Variants in ABCB5 observed in about 807,000 individuals in gnomAD.
ABCB5 encodes ATP-binding cassette sub-family B member 5.
ABCB5 carries 155 observed loss-of-function variants against 144.2 expected under a neutral mutation model. That is an observed-to-expected ratio of 1.08 (90% CI 0.94 to 1.23). The LOEUF (loss-of-function observed/expected upper bound fraction) is 1.23, where lower values mean the gene tolerates loss of function less well. Ranked by LOEUF, ABCB5 falls within the 50% of genes most tolerant of loss-of-function variation. ABCB5 has a pLI of 0.00. For synonymous variants in ABCB5, 610 were observed against 528.6 expected, an observed-to-expected ratio of 1.15 and a Z score of -2.11; for missense variants, 1,830 against 1,520.8, an observed-to-expected ratio of 1.20 and a Z score of -3.38.
chr7:20,646,098 T>C lies in ABCB5; in HGVS notation c.941T>C (p.Leu314Pro), dbSNP rs1784401707. 9 of 1,613,748 alleles carry C rather than the reference T, an allele frequency of 5.6e-6. No individual in the cohort carries two copies. The highest frequency in any genetic ancestry group is 7.6e-6 in the Non-Finnish European group (9 of 1,179,752). Residue 314 changes from leucine to proline, a missense_variant, in exon 9 of 28, where the codon CTT becomes CCT. Transcript: ENST00000404938. ...LAFWYGTSLI[L>P]NGEPGYTIGT... ...TTTTGGTATGGAACCTCCTTGATTC[T>C]TAATGGAGAACCTGGATATACCATC...
intron 2 of ABCB5, among the ~76,000 whole-genome samples, chr7:20,624,073 A>G (rs538135114): frequency 6.6e-6 from 1 of 152,292 alleles, no homozygotes; most frequent in East Asian, 1.9e-4. Context: ...TTTTGTTGTT[A>G]TTTTCCCAAA....
At chr7:20,716,335 A>T (rs1251040248) in intron 20 of ABCB5, among the ~76,000 whole-genome samples, 1 of 152,196 alleles carries the variant, frequency 6.6e-6, no homozygotes, top group African/African-American at 2.4e-5. Context: ...AGATAAAATA[A>T]ATTTTATATT....
At chr7:20,647,728 TA>T (rs1784453432) in intron 10 of ABCB5, 80 bp downstream of exon 10, 7 of 1,517,154 alleles carry the variant, frequency 4.6e-6, no homozygotes, top group Non-Finnish European at 4.4e-6. Flanking sequence ...TCATTTTCAC[TA>T]AAACAATAGG....
chr7:20,629,703 A>C (rs1783990635), intron 4 of ABCB5, among the ~76,000 whole-genome samples: 1 of 152,158 alleles, frequency 6.6e-6, no homozygotes, highest in African/African-American at 2.4e-5. Flanking sequence ...CAGAGGTTGC[A>C]TTGAGCCAAG....
chr7:20,721,555 T>C (rs1026538537), intron 20 of ABCB5, among the ~76,000 whole-genome samples: 4 of 152,208 alleles, frequency 2.6e-5, no homozygotes, highest in Non-Finnish European at 4.4e-5. Context: ...TGCCCTACTG[T>C]TTCCTGTCCA....
intron 5 of ABCB5, among the ~76,000 whole-genome samples, chr7:20,634,843 C>A (rs1784118037): frequency 6.6e-6 from 1 of 152,052 alleles, no homozygotes; most frequent in East Asian, 1.9e-4. Flanking sequence ...AATATTTTCT[C>A]CCATTCTGCA....
chr7:20,657,676 A>C (rs1784854497), intron 13 of ABCB5, among the ~76,000 whole-genome samples: 1 of 152,308 alleles, frequency 6.6e-6, no homozygotes, highest in South Asian at 2.1e-4. Flanking sequence ...GAAATGTTCT[A>C]TATCTTTATT....
At position 20,680,998 on chromosome 7, in the gene ABCB5, CTTTCTTTCTTTCTTTCTTTCTTTCTT is replaced by C. The variant is rs1284877665; in HGVS notation, c.1708-505_1708-480del. Among the ~76,000 whole-genome samples, 344 of 111,582 alleles carry C rather than the reference CTTTCTTTCTTTCTTTCTTTCTTTCTT, an allele frequency of 3.1e-3. 17 individuals are homozygous for C. Among genetic ancestry groups the C allele is most frequent in the Middle Eastern group, 4.1e-3 (1 of 246 alleles). The allele number at this position is 111,582 out of a possible 152,430, so 73.2% of individuals were successfully genotyped here. ...TCTTTCTTTCTTTCTTTCTTTCTTTCTTTCTTTCTTTCTTTCTTTCTTTCTTTCTTTCTTTCTCTTTCTTTCTTTCT... is the reference window on the plus strand; with the variant it reads ...TCTTTCTTTCTTTCTTTCTTTCTTTCTCTTTCTTTCTCTTTCTTTCTTTCT... On this transcript the variant is annotated intron_variant, in intron 14 of 27. Coordinates refer to ENST00000404938, the MANE Select transcript of ABCB5 (RefSeq NM_001163941.2).
intron 21 of ABCB5, among the ~76,000 whole-genome samples, chr7:20,726,137 C>A (rs1275206719): frequency 6.6e-6 from 1 of 152,150 alleles, no homozygotes; most frequent in Non-Finnish European, 1.5e-5. Flanking sequence ...ATTATGCATT[C>A]TCTTTATAAA....
chr7:20,661,536 T>C (rs75700072), intron 14 of ABCB5, among the ~76,000 whole-genome samples: 24 of 105,212 alleles, frequency 2.3e-4, no homozygotes, highest in East Asian at 2.2e-4. Flanking sequence ...TTTCTTTTCT[T>C]TTTCTTTTTT....
rs2128017787 is a variant in ABCB5 at position 20,626,867 on chromosome 7, G to GTC, written c.108+257_108+258insCT. On this transcript the variant is annotated intron_variant, in intron 3 of 27. Transcript: ENST00000404938. ...AAGTGTTTTTGGGGTGTGTGTGTGT[G>GTC]TGTGTGTGTGTGTGTGTGTGTGTGT... Among the ~76,000 whole-genome samples, 2 of 151,624 alleles carry GTC rather than the reference G, an allele frequency of 1.3e-5. 1 individual carries two copies. The highest frequency in any genetic ancestry group is 2.9e-5 in the Non-Finnish European group (2 of 67,820).
chr7:20,653,687 G>A lies in ABCB5; in HGVS notation c.1536+2064G>A, dbSNP rs1467712973. ...AAATTTCAGGGCAGCTTGGGCAGCT[G>A]GAAAGGTGATAAGAAATCACCTGTG... On this transcript the variant is annotated intron_variant, in intron 13 of 27. Coordinates refer to ENST00000404938, the MANE Select transcript of ABCB5 (RefSeq NM_001163941.2). 1.4e-4 allele frequency among the ~76,000 whole-genome samples: 22 copies of A among 152,156 alleles called. 1 individual carries two copies. The highest frequency in any genetic ancestry group is 1.4e-3 in the Admixed American group (22 of 15,276).
chr7:20,677,127 T>C (rs895061558), intron 14 of ABCB5, among the ~76,000 whole-genome samples: 1 of 152,244 alleles, frequency 6.6e-6, no homozygotes, highest in Admixed American at 6.5e-5. Context: ...ATATCATTAG[T>C]CTTCTTAGTC....
intron 14 of ABCB5, among the ~76,000 whole-genome samples, chr7:20,673,455 T>A (rs1785512559): frequency 6.6e-6 from 1 of 152,092 alleles, no homozygotes; most frequent in African/African-American, 2.4e-5. Flanking sequence ...ATTACACACA[T>A]AAATATTTAG....
chr7:20,678,477 A>G (rs1785683612), intron 14 of ABCB5, among the ~76,000 whole-genome samples: 1 of 152,178 alleles, frequency 6.6e-6, no homozygotes, highest in African/African-American at 2.4e-5. Flanking sequence ...CCTGCTCTAT[A>G]ATAGATAAGA....
In ABCB5 at chr7:20,651,553, T is replaced by C. The variant is rs766224859; in HGVS notation, c.1466T>C (p.Val489Ala). The change falls in exon 13 of 28, where the codon GTG (valine) becomes GCG (alanine). Residue 489 changes from valine to alanine, a missense_variant. Transcript: ENST00000404938. ...AATATCAAGTATGGACGAGATGATGTGACTGATGAAGAGATGGAGAGAGCA... is the reference window on the plus strand; with the variant it reads ...AATATCAAGTATGGACGAGATGATGCGACTGATGAAGAGATGGAGAGAGCA... ...SNNIKYGRDD[V>A]TDEEMERAAR... is the part of the protein sequence containing the mutation. The C allele has an allele frequency of 4.3e-6, 7 of 1,613,954 alleles. No individual in the cohort carries two copies. The African/African-American group carries it at 8.0e-5, about 18-fold the overall frequency.
Position 20,690,709 on chromosome 7 carries a change from A to C in ABCB5, c.2010+4873A>C, listed in dbSNP as rs550584856. On this transcript the variant is annotated intron_variant, in intron 16 of 27. Coordinates refer to ENST00000404938, the MANE Select transcript of ABCB5 (RefSeq NM_001163941.2). ...CAGCGGAGAAATAAAATATAGATGG[A>C]TAAAAGAGTAGGACAGGGGAATGAG... Among the ~76,000 whole-genome samples the C allele has an allele frequency of 2.0e-5, 3 of 152,280 alleles. No homozygotes were observed. In the South Asian group the frequency reaches 6.2e-4, roughly 32 times the overall value.
At chr7:20,691,705 G>A (rs1490856877) in intron 16 of ABCB5, among the ~76,000 whole-genome samples, 1 of 152,006 alleles carries the variant, frequency 6.6e-6, no homozygotes, top group Non-Finnish European at 1.5e-5. Flanking sequence ...CAGAGGGGAA[G>A]ATAATTAGTC....
chr7:20,636,722 T>C (rs1441760944), intron 5 of ABCB5, among the ~76,000 whole-genome samples: 1 of 147,646 alleles, frequency 6.8e-6, no homozygotes, highest in Non-Finnish European at 1.5e-5. Context: ...GAGTTAGAGG[T>C]TGCAGTGAGC....
Sources: gnomAD v4.1 joint callset for allele counts (sites outside exome capture counted in the v4.1 genomes callset) on GRCh38, gnomAD v4.1.1 for gene constraint, MANE v1.5 for transcripts, NCBI Gene and HGNC (gene_info 2026-07-23, HGNC 2026-07-21) for gene names.